RALGAPA2: variants seen among roughly 807,000 people sequenced by gnomAD.
RALGAPA2 encodes ral GTPase-activating protein subunit alpha-2.
In RALGAPA2, 139 loss-of-function variants were observed where a neutral mutation model predicts 230.4. The ratio of observed to expected loss-of-function variants is 0.60; its 90% CI spans 0.53 to 0.69. The LOEUF (loss-of-function observed/expected upper bound fraction) is 0.69. Ranked by LOEUF, RALGAPA2 falls within the 30% of genes least tolerant of loss-of-function variation. RALGAPA2 has a pLI of 0.00. For synonymous variants in RALGAPA2, 847 were observed against 837.8 expected (o/e 1.01, Z -0.19); for missense variants, 2,163 against 2,276.0 (o/e 0.95, Z 1.01).
intron 1 of RALGAPA2, among the ~76,000 whole-genome samples, chr20:20,691,814 T>C (rs1368203149): frequency 2.0e-5 from 3 of 152,192 alleles, no homozygotes; most frequent in African/African-American, 7.2e-5. Context: ...ATAGTTTGGA[T>C]ATTTGTCCCC....
intron 23 of RALGAPA2, among the ~76,000 whole-genome samples, chr20:20,556,545 T>G (rs1043943422): frequency 6.6e-6 from 1 of 152,252 alleles, no homozygotes. Context: ...GCTTCAAATC[T>G]ACACCATTAC....
At chr20:20,490,935 A>T (rs2062037911) in intron 36 of RALGAPA2, among the ~76,000 whole-genome samples, 1 of 151,890 alleles carries the variant, frequency 6.6e-6, no homozygotes, top group South Asian at 2.1e-4. Flanking sequence ...AACCTTCAAG[A>T]GAGCCAGCGA....
At chr20:20,684,425 C>T (rs986751926) in intron 1 of RALGAPA2, among the ~76,000 whole-genome samples, 1 of 152,202 alleles carries the variant, frequency 6.6e-6, no homozygotes, top group African/African-American at 2.4e-5. Context: ...GGGTCCTCAG[C>T]ATGTTTAAGG....
intron 37 of RALGAPA2, among the ~76,000 whole-genome samples, chr20:20,443,060 G>A (rs138724664): frequency 3.8e-4 from 58 of 152,296 alleles, no homozygotes; most frequent in African/African-American, 1.3e-3. Context: ...TACAATAGCT[G>A]CATTTAAAGC....
At chr20:20,578,780 G>A (rs751159502) in intron 20 of RALGAPA2, among the ~76,000 whole-genome samples, 1 of 152,144 alleles carries the variant, frequency 6.6e-6, no homozygotes, top group Non-Finnish European at 1.5e-5. Flanking sequence ...GAAAATTCAG[G>A]CCTGGCCTGG....
chr20:20,625,292 G>A (rs2066457543), intron 10 of RALGAPA2, among the ~76,000 whole-genome samples: 1 of 152,114 alleles, frequency 6.6e-6, no homozygotes, highest in Non-Finnish European at 1.5e-5. Context: ...TAGCTAGCCA[G>A]GCCCCAGCCA....
intron 12 of RALGAPA2, among the ~76,000 whole-genome samples, chr20:20,618,903 A>G (rs1337839481): frequency 1.3e-5 from 2 of 152,240 alleles, no homozygotes; most frequent in African/African-American, 4.8e-5. Context: ...TATTACTTAT[A>G]AGATTTTATA....
intron 37 of RALGAPA2, among the ~76,000 whole-genome samples, chr20:20,431,903 G>A (rs2060509990): frequency 6.6e-6 from 1 of 152,158 alleles, no homozygotes; most frequent in Admixed American, 6.5e-5. Context: ...TGTGTCCCGG[G>A]TTTTTCCTCT....
intron 1 of RALGAPA2, among the ~76,000 whole-genome samples, chr20:20,701,105 G>A (rs2069340181): frequency 6.6e-6 from 1 of 152,200 alleles, no homozygotes; most frequent in South Asian, 2.1e-4. Context: ...TATAACTGCT[G>A]AATAAATAAA....
rs1317326690 is a variant in RALGAPA2, at chr20:20,458,537, TA to T, written c.5495+14291del. 2.9e-5 allele frequency among the ~76,000 whole-genome samples: 4 copies of T among 137,734 alleles called. No individual in the cohort carries two copies. The East Asian group carries it at 6.1e-4, about 21-fold the overall frequency. The allele number at this position is 137,734 out of a possible 152,430, so 90.4% of individuals were successfully genotyped here. ...ATATGTATTTTATATATATTATATA[TA>T]ATATATATGTATTTTATATATATTA... On this transcript the variant is annotated intron_variant, in intron 37 of 39. Transcript: ENST00000202677.
At chr20:20,404,166 T>C (rs1163361108) in intron 38 of RALGAPA2, among the ~76,000 whole-genome samples, 1 of 152,224 alleles carries the variant, frequency 6.6e-6, no homozygotes, top group Non-Finnish European at 1.5e-5. Context: ...ACTAGGTTTC[T>C]TGTGTACTGA....
intron 29 of RALGAPA2, 46 bp from the exon 30 acceptor site, chr20:20,524,589 C>A (rs751483442): frequency 1.2e-6 from 2 of 1,608,046 alleles, no homozygotes; most frequent in Admixed American, 1.7e-5. Flanking sequence ...GTCTCTTAAA[C>A]CTCACTACAT....
At chr20:20,697,024 C>T (rs1412094146) in intron 1 of RALGAPA2, among the ~76,000 whole-genome samples, 1 of 152,204 alleles carries the variant, frequency 6.6e-6, no homozygotes, top group Non-Finnish European at 1.5e-5. Flanking sequence ...GCATGAGCCA[C>T]TGCACCCAGC....
intron 9 of RALGAPA2, among the ~76,000 whole-genome samples, chr20:20,633,222 C>T (rs1349684107): frequency 6.6e-6 from 1 of 152,076 alleles, no homozygotes; most frequent in African/African-American, 2.4e-5. Flanking sequence ...CCAACCTCCA[C>T]CTCCCAGGTT....
chr20:20,584,869 C>T lies in RALGAPA2; in HGVS notation c.2526G>A (p.Gln842=). 6.2e-7 allele frequency: 1 copy of T among 1,604,152 alleles called. No individual in the cohort carries two copies. Among genetic ancestry groups the T allele is most frequent in the Non-Finnish European group, 8.5e-7 (1 of 1,171,796 alleles). The change falls in exon 19 of 40, where the codon CAG becomes CAA. Residue 842 remains glutamine, a synonymous_variant. Transcript: ENST00000202677. Reference sequence around the variant, plus strand: ...CAGACATTTCCCGGAACTTACTCTTCTGTCTTTCCCTACATTTTCCTTGTG... The same window carrying T: ...CAGACATTTCCCGGAACTTACTCTTTTGTCTTTCCCTACATTTTCCTTGTG... The part of the protein sequence containing the change: ...QQTQGKCRER[Q]KSESTNSDTT...
chr20:20,518,291 G>A (rs1389746030), intron 31 of RALGAPA2, among the ~76,000 whole-genome samples: 5 of 152,120 alleles, frequency 3.3e-5, no homozygotes, highest in African/African-American at 9.7e-5. Flanking sequence ...TCCTGACCTC[G>A]TGATCCACCT....
rs375882046 is a variant in RALGAPA2, at chr20:20,643,543, G to A, written c.335C>T (p.Thr112Ile). The change falls in exon 5 of 40, where the codon ACT (threonine) becomes ATT (isoleucine). Residue 112 changes from threonine to isoleucine, a missense_variant. Physicochemically the swap from Thr to Ile is moderately conservative, Grantham distance 89 (BLOSUM62 -1). Coordinates refer to ENST00000202677, the MANE Select transcript of RALGAPA2 (RefSeq NM_020343.4). ...FRWHYQSIGS[T>I]LKKLLHTGNS... ...TCCAGTGTGTAGAAGCTTCTTTAAA[G>A]TTGAGCCTGAAAGTTTAAAATAATG... 162 of 1,470,454 alleles carry A rather than the reference G, an allele frequency of 1.1e-4. No homozygotes were observed. The South Asian group carries it at 2.0e-3, about 18-fold the overall frequency. 91.1% of individuals were successfully genotyped at this position (1,470,454 alleles called of 1,614,324 possible).
At chr20:20,536,855 T>C in intron 24 of RALGAPA2, 71 bp from the exon 25 acceptor site, 1 of 1,488,028 alleles carries the variant, frequency 6.7e-7, no homozygotes, top group Non-Finnish European at 9.1e-7. Context: ...AGTGACATGT[T>C]TTACTCTTCA....
chr20:20,518,335 G>A (rs1366119941), intron 31 of RALGAPA2, among the ~76,000 whole-genome samples: 1 of 152,282 alleles, frequency 6.6e-6, no homozygotes, highest in African/African-American at 2.4e-5. Flanking sequence ...GATTACAGGC[G>A]TCGGCCACCA....
Sources: gnomAD v4.1 joint callset for allele counts (sites outside exome capture counted in the v4.1 genomes callset) on GRCh38, gnomAD v4.1.1 for gene constraint, MANE v1.5 for transcripts, NCBI Gene and HGNC (gene_info 2026-07-23, HGNC 2026-07-21) for gene names.